Variants in ACLY observed in about 807,000 individuals in gnomAD.
ACLY encodes the protein ATP-citrate synthase.
ACLY carries 41 observed loss-of-function variants against 133.0 expected under a neutral mutation model. The ratio of observed to expected loss-of-function variants is 0.31; its 90% CI spans 0.24 to 0.40. The LOEUF (loss-of-function observed/expected upper bound fraction) is 0.40, where lower values mean the gene tolerates loss of function less well. Among genes scored for constraint, ACLY ranks in the 10% least tolerant of loss-of-function variants. The pLI is 1.00. For synonymous variants in ACLY, 495 were observed against 549.3 expected, an observed-to-expected ratio of 0.90 and a Z score of 1.38; for missense variants, 1,046 against 1,453.8, an observed-to-expected ratio of 0.72 and a Z score of 4.56.
Position 41,873,909 on chromosome 17 carries a change from T to G in ACLY, c.2544A>C (p.Arg848=). Residue 848 remains arginine (R), a synonymous_variant, in exon 23 of 29, where the codon CGA becomes CGC. Coordinates refer to ENST00000352035, the MANE Select transcript of ACLY (RefSeq NM_001096.3). ...ASFMTSICDE[R]GQELIYAGMP... is the part of the protein sequence containing the mutation. ...TGCCCGCGTAGATGAGCTCCTGTCC[T>G]CGCTCATCGCAGATGCTGGTCATGA... is the stretch of plus-strand genomic sequence containing the variant. 1 of 1,610,332 alleles carries G rather than the reference T, an allele frequency of 6.2e-7. No homozygotes were observed. The highest frequency in any genetic ancestry group is 8.5e-7 in the Non-Finnish European group (1 of 1,177,286).
At chr17:41,889,963 G>A (rs782339626) in intron 16 of ACLY, among the ~76,000 whole-genome samples, 13 of 152,200 alleles carry the variant, frequency 8.5e-5, no homozygotes, top group South Asian at 4.1e-4. Flanking sequence ...GTGAGTCACC[G>A]CACCCAGCCT....
At position 41,917,888 on chromosome 17, in the gene ACLY, C is replaced by G. The variant is rs562180244; in HGVS notation, c.-24+992G>C. ...ATGAGACCTACCAGCTGTCCCTCAC[C>G]CCACATTTTAGTTCAGCTGAGCCAG... On this transcript the variant is annotated intron_variant, in intron 1 of 28. Transcript: ENST00000352035. 5.6e-4 allele frequency among the ~76,000 whole-genome samples: 86 copies of G among 152,222 alleles called. 3 individuals carry two copies. Among genetic ancestry groups the G allele is most frequent in the Middle Eastern group, 6.8e-3 (2 of 294 alleles).
chr17:41,898,837 C>A, intron 11 of ACLY, 52 bp from the exon 12 acceptor site: 1 of 1,566,430 alleles, frequency 6.4e-7, no homozygotes, highest in Non-Finnish European at 8.7e-7. Flanking sequence ...GATAAGGGCC[C>A]AAGTCCATGT....
At chr17:41,871,347 C>T (rs1296882246) in intron 25 of ACLY, among the ~76,000 whole-genome samples, 1 of 151,136 alleles carries the variant, frequency 6.6e-6, no homozygotes, top group Non-Finnish European at 1.5e-5. Flanking sequence ...GTAGATCCAT[C>T]CCACTTTTTT....
chr17:41,924,012 T>C (rs1207274616), upstream of ACLY, among the ~76,000 whole-genome samples: 1 of 152,204 alleles, frequency 6.6e-6, no homozygotes, highest in Non-Finnish European at 1.5e-5. Context: ...GGTTTCGCCA[T>C]GTTGGCCAGG....
chr17:41,900,069 C>CAAAAAAAAAAAAAAAAA (rs60296550), intron 11 of ACLY, among the ~76,000 whole-genome samples: 2 of 46,630 alleles, frequency 4.3e-5, no homozygotes, highest in African/African-American at 1.3e-4. Flanking sequence ...ACCCTGTCTC[C>CAAAAAAAAAAAAAAAAA]AAAAAAAAAA....
At chr17:41,886,927 C>T (rs781959990) in intron 17 of ACLY, among the ~76,000 whole-genome samples, 10 of 151,976 alleles carry the variant, frequency 6.6e-5, no homozygotes, top group Non-Finnish European at 1.3e-4. Context: ...AGTTTGAGAC[C>T]AGCCTGGCTA....
upstream of ACLY, among the ~76,000 whole-genome samples, chr17:41,921,189 C>A (rs1302313169): frequency 1.3e-5 from 2 of 151,126 alleles, no homozygotes; most frequent in Non-Finnish European, 2.9e-5. Context: ...TCTCAGCTAC[C>A]TGGGAGGCTG....
chr17:41,887,223 G>A (rs1331943458), intron 17 of ACLY, among the ~76,000 whole-genome samples: 3 of 149,832 alleles, frequency 2.0e-5, no homozygotes, highest in African/African-American at 7.4e-5. Flanking sequence ...TGGATCACCC[G>A]ATGTCAGGAG....
intron 23 of ACLY, among the ~76,000 whole-genome samples, chr17:41,873,471 G>A (rs1249498874): frequency 2.0e-5 from 3 of 152,090 alleles, no homozygotes; most frequent in Admixed American, 6.6e-5. Context: ...GTGAGCCACC[G>A]CGCCTAGCCC....
chr17:41,921,364 G>T (rs1414539912), upstream of ACLY, among the ~76,000 whole-genome samples: 1 of 151,436 alleles, frequency 6.6e-6, no homozygotes, highest in Non-Finnish European at 1.5e-5. Flanking sequence ...CACACCTGTA[G>T]TCCCAGCTAC....
At chr17:41,908,438 C>T (rs532000805) in intron 6 of ACLY, among the ~76,000 whole-genome samples, 111 of 152,302 alleles carry the variant, frequency 7.3e-4, no homozygotes, top group African/African-American at 2.4e-3. Flanking sequence ...CCTGACCTGG[C>T]GGGAGGAGCA....
rs2048663036 is a variant in ACLY at position 41,873,880 on chromosome 17, G to A, written c.2573C>T (p.Pro858Leu). ...RGQELIYAGM[P>L]ITEVFKEEMG... is the part of the protein sequence containing the mutation. ...CTCTTCCTTGAAGACCTCAGTGATG[G>A]GCATGCCCGCGTAGATGAGCTCCTG... The change falls in exon 23 of 29, where the codon CCC becomes CTC. Residue 858 changes from proline (P) to leucine (L), a missense_variant. This residue lies in a region of ACLY where 205 missense variants were observed against 373.3 expected (regional missense o/e 0.55). Coordinates refer to ENST00000352035, the MANE Select transcript of ACLY (RefSeq NM_001096.3). 1.9e-6 allele frequency: 3 copies of A among 1,609,544 alleles called. No homozygotes were observed. In the East Asian group the frequency reaches 6.7e-5, roughly 36 times the overall value.
Position 41,909,708 on chromosome 17 carries a change from G to A in ACLY, c.346-8C>T. 6.2e-7 allele frequency: 1 copy of A among 1,613,642 alleles called. No individual in the cohort carries two copies. The highest frequency in any genetic ancestry group is 1.1e-5 in the South Asian group (1 of 91,054). Reference sequence around the variant, plus strand: ...GACATAGAACTCCTCAGCCTTGCAGGTGAAGAGACAGGACAGTGGGATTGG... The same window carrying A: ...GACATAGAACTCCTCAGCCTTGCAGATGAAGAGACAGGACAGTGGGATTGG... On this transcript the variant is annotated splice_polypyrimidine_tract_variant and splice_region_variant and intron_variant, in intron 4 of 28. Coordinates refer to ENST00000352035, the MANE Select transcript of ACLY (RefSeq NM_001096.3).
rs1451278086 is a variant in ACLY, at chr17:41,910,295, A to G, written c.283-11T>C. 1.2e-6 allele frequency: 2 copies of G among 1,612,736 alleles called. No homozygotes were observed. Among genetic ancestry groups the G allele is most frequent in the South Asian group, 1.1e-5 (1 of 90,744 alleles). Reference sequence around the variant, plus strand: ...TGTGGCCTTGCCAACCTACAGAAAAATTGAGGGAGATGAAACTCAGAGGGA... The same window carrying G: ...TGTGGCCTTGCCAACCTACAGAAAAGTTGAGGGAGATGAAACTCAGAGGGA... On this transcript the variant is annotated splice_polypyrimidine_tract_variant and intron_variant, in intron 3 of 28. Transcript: ENST00000352035.
intron 24 of ACLY, 81 bp from the exon 25 acceptor site, chr17:41,871,913 C>A: frequency 6.3e-7 from 1 of 1,594,692 alleles, no homozygotes; most frequent in African/African-American, 1.3e-5. Context: ...GTGTCCCGAA[C>A]GGCCCTGAGC....
intron 22 of ACLY, among the ~76,000 whole-genome samples, chr17:41,875,165 A>G (rs1392134236): frequency 6.6e-6 from 1 of 151,876 alleles, no homozygotes; most frequent in Non-Finnish European, 1.5e-5. Context: ...CCTGGCCAAC[A>G]TGGTGAAACC....
In ACLY at chr17:41,876,175, C is replaced by T. The variant is rs1257210231; in HGVS notation, c.2487+1928G>A. ...CTGAGAAGTGAGGAGCCCCTCCGCC[C>T]GGCAGCCACCCCGTCTGGGAAGTGA... On this transcript the variant is annotated intron_variant, in intron 22 of 28. Transcript: ENST00000352035. 1.2e-4 allele frequency among the ~76,000 whole-genome samples: 18 copies of T among 151,888 alleles called. 1 individual carries two copies. The Middle Eastern group carries it at 0.01, about 87-fold the overall frequency.
chr17:41,905,425 C>T, intron 9 of ACLY, 97 bp downstream of exon 9: 1 of 1,518,952 alleles, frequency 6.6e-7, no homozygotes. Flanking sequence ...GGACCACACA[C>T]AGCCTTGGTG....
Sources: allele counts gnomAD v4.1 joint callset (sites outside exome capture counted in the v4.1 genomes callset), GRCh38; gene constraint gnomAD v4.1.1; regional missense constraint gnomAD v4.1.1; transcripts MANE v1.5; gene names NCBI Gene and HGNC (gene_info 2026-07-23, HGNC 2026-07-21).